Variants in GNPTAB observed in about 807,000 individuals in gnomAD.
GNPTAB encodes the protein N-acetylglucosamine-1-phosphate transferase subunits alpha and beta.
A neutral mutation model predicts 136.6 loss-of-function variants in GNPTAB; 92 were observed. The ratio of observed to expected loss-of-function variants is 0.67; its 90% CI spans 0.57 to 0.80. The LOEUF (loss-of-function observed/expected upper bound fraction) is 0.80. GNPTAB is among the 30% of genes least tolerant of loss of function. The pLI, the probability that GNPTAB is intolerant of heterozygous loss-of-function variation, is 0.00. For synonymous variants in GNPTAB, 512 were observed against 535.1 expected (o/e 0.96, Z 0.60); for missense variants, 1,343 against 1,501.8 (o/e 0.89, Z 1.75).
In GNPTAB at chr12:101,830,544, G is replaced by A. The variant is rs886048854; in HGVS notation, c.117+15C>T. ...GGTCGAGGCGCCCGGTCCAGGCTGC[G>A]GCGCCGCTACTCACCTCTCCGAACT... On this transcript the variant is annotated intron_variant, in intron 1 of 20. Coordinates refer to ENST00000299314, the MANE Select transcript of GNPTAB (RefSeq NM_024312.5). The A allele has an allele frequency of 5.2e-6, 8 of 1,540,582 alleles. No homozygotes were observed. The Middle Eastern group carries it at 5.0e-4, about 97-fold the overall frequency.
Position 101,830,540 on chromosome 12 carries a change from C to T in GNPTAB, c.117+19G>A. 1 of 1,495,370 alleles carries T rather than the reference C, an allele frequency of 6.7e-7. No homozygotes were observed. The highest frequency in any genetic ancestry group is 9.3e-7 in the Non-Finnish European group (1 of 1,075,188). The allele number at this position is 1,495,370 out of a possible 1,614,324, so 92.6% of individuals were successfully genotyped here. On this transcript the variant is annotated intron_variant, in intron 1 of 20. Coordinates refer to ENST00000299314, the MANE Select transcript of GNPTAB (RefSeq NM_024312.5). ...GCAGGGTCGAGGCGCCCGGTCCAGGCTGCGGCGCCGCTACTCACCTCTCCG... is the reference window on the plus strand; with the variant it reads ...GCAGGGTCGAGGCGCCCGGTCCAGGTTGCGGCGCCGCTACTCACCTCTCCG...
At chr12:101,763,080 G>C (rs1052290747) in intron 13 of GNPTAB, among the ~76,000 whole-genome samples, 1 of 151,886 alleles carries the variant, frequency 6.6e-6, no homozygotes, top group African/African-American at 2.4e-5. Context: ...AAATTGGCCA[G>C]GCATGCTGGC....
intron 1 of GNPTAB, among the ~76,000 whole-genome samples, chr12:101,799,203 G>C (rs1869472959): frequency 6.6e-6 from 1 of 152,088 alleles, no homozygotes; most frequent in South Asian, 2.1e-4. Context: ...CTAACATAAT[G>C]CAAGAAAAAG....
At chr12:101,757,489 C>A (rs1952919029) in intron 17 of GNPTAB, 83 bp downstream of exon 17, 1 of 842,020 alleles carries the variant, frequency 1.2e-6, no homozygotes, top group South Asian at 1.4e-5. Context: ...GCTTAATAGA[C>A]AAAATATTGT....
At chr12:101,796,381 G>A in intron 2 of GNPTAB, 2 of 670,266 alleles carry the variant, frequency 3.0e-6, no homozygotes, top group Non-Finnish European at 5.4e-6. Flanking sequence ...CTTTTCTTCA[G>A]ATGGACATAT....
At chr12:101,751,631 C>A (rs536621207) in intron 19 of GNPTAB, among the ~76,000 whole-genome samples, 2 of 152,330 alleles carry the variant, frequency 1.3e-5, no homozygotes, top group African/African-American at 4.8e-5. Context: ...CAGCCACTTG[C>A]CAGCTACTTC....
At chr12:101,798,299 T>C (rs995309348) in intron 1 of GNPTAB, among the ~76,000 whole-genome samples, 5 of 152,204 alleles carry the variant, frequency 3.3e-5, no homozygotes, top group Non-Finnish European at 7.3e-5. Flanking sequence ...TCTTTCTGTG[T>C]GTCCTTTCCT....
At chr12:101,765,543 C>A in intron 12 of GNPTAB, 1 of 519,908 alleles carries the variant, frequency 1.9e-6, no homozygotes, top group Admixed American at 3.2e-5. Context: ...ACTTTAATTT[C>A]AAAATAATCA....
At chr12:101,804,456 G>A (rs970886644) in intron 1 of GNPTAB, among the ~76,000 whole-genome samples, 1 of 151,994 alleles carries the variant, frequency 6.6e-6, no homozygotes, top group Non-Finnish European at 1.5e-5. Flanking sequence ...CAGAATCACC[G>A]AATTCTACAG....
intron 7 of GNPTAB, among the ~76,000 whole-genome samples, chr12:101,777,219 C>T (rs138781334): frequency 1.3e-3 from 195 of 152,330 alleles, no homozygotes; most frequent in African/African-American, 4.4e-3. Flanking sequence ...CACTGCCAAG[C>T]AACTTTTGCA....
intron 1 of GNPTAB, among the ~76,000 whole-genome samples, chr12:101,801,340 G>A (rs865953107): frequency 1.3e-5 from 2 of 149,262 alleles, no homozygotes; most frequent in Non-Finnish European, 3.0e-5. Flanking sequence ...CCAGGAGTTC[G>A]AGACCAGCAT....
At chr12:101,758,193 C>T (rs1331701502) in intron 16 of GNPTAB, among the ~76,000 whole-genome samples, 1 of 152,170 alleles carries the variant, frequency 6.6e-6, no homozygotes, top group Non-Finnish European at 1.5e-5. Flanking sequence ...AACCCGCCAC[C>T]ACACCCAACT....
intron 13 of GNPTAB, 30 bp downstream of exon 13, chr12:101,764,172 T>A: frequency 1.2e-6 from 2 of 1,612,206 alleles, no homozygotes; most frequent in Non-Finnish European, 1.7e-6. Flanking sequence ...TTCCTGAGCA[T>A]GAGAAAGAAT....
At chr12:101,809,730 G>A (rs1870119085) in intron 1 of GNPTAB, among the ~76,000 whole-genome samples, 1 of 152,314 alleles carries the variant, frequency 6.6e-6, no homozygotes. Flanking sequence ...AAAGATCAGT[G>A]GTTGCCAGTG....
chr12:101,767,988 A>T (rs1953119460), intron 11 of GNPTAB, 49 bp downstream of exon 11: 2 of 1,588,826 alleles, frequency 1.3e-6, no homozygotes, highest in Non-Finnish European at 1.7e-6. Context: ...ATGATTAAGA[A>T]GAAAATATTC....
At chr12:101,827,775 GC>G (rs1157720488) in intron 1 of GNPTAB, among the ~76,000 whole-genome samples, 3 of 152,106 alleles carry the variant, frequency 2.0e-5, no homozygotes, top group Non-Finnish European at 4.4e-5. Context: ...GACCAGCCTG[GC>G]CAACATGGTG....
At chr12:101,829,982 A>T (rs1871279617) in intron 1 of GNPTAB, among the ~76,000 whole-genome samples, 1 of 149,938 alleles carries the variant, frequency 6.7e-6, no homozygotes, top group Non-Finnish European at 1.5e-5. Flanking sequence ...GTTAAATTTT[A>T]AAACCTTTTG....
intron 7 of GNPTAB, among the ~76,000 whole-genome samples, chr12:101,771,786 A>G (rs1003411697): frequency 5.3e-5 from 8 of 152,070 alleles, no homozygotes; most frequent in Non-Finnish European, 1.0e-4. Context: ...AATCTCCCCA[A>G]TTTTTCAATG....
At chr12:101,788,242 T>C (rs1048935509) in intron 4 of GNPTAB, among the ~76,000 whole-genome samples, 1 of 152,144 alleles carries the variant, frequency 6.6e-6, no homozygotes, top group Non-Finnish European at 1.5e-5. Flanking sequence ...AAATACTGGG[T>C]AGAAGATACA....
Sources: allele counts gnomAD v4.1 joint callset (sites outside exome capture counted in the v4.1 genomes callset), GRCh38; gene constraint gnomAD v4.1.1; transcripts MANE v1.5; gene names NCBI Gene and HGNC (gene_info 2026-07-23, HGNC 2026-07-21).